SREBF2: variants seen among roughly 807,000 people sequenced by gnomAD.
SREBF2 encodes sterol regulatory element binding transcription factor 2.
Under a neutral mutation model 113.1 loss-of-function variants are expected in SREBF2, and 55 were observed. That is an observed-to-expected ratio of 0.49 (90% CI 0.39 to 0.61). The LOEUF is 0.61. Among genes scored for constraint, SREBF2 ranks in the 20% least tolerant of loss-of-function variants. SREBF2 has a pLI of 0.00. For synonymous variants in SREBF2, 593 were observed against 605.7 expected (o/e 0.98, Z 0.31); for missense variants, 1,349 against 1,487.4 (o/e 0.91, Z 1.53).
At position 41,870,980 on chromosome 22, in the gene SREBF2, A is replaced by C; in HGVS notation, c.812A>C (p.Asn271Thr). The C allele has an allele frequency of 6.2e-7, 1 of 1,614,082 alleles. No individual in the cohort carries two copies. The highest frequency in any genetic ancestry group is 1.1e-5 in the South Asian group (1 of 91,074). Residue 271 changes from asparagine (N) to threonine (T), a missense_variant, in exon 4 of 19, where the codon AAC (asparagine) becomes ACC (threonine). This residue lies in a region of SREBF2 where 699 missense variants were observed against 843.3 expected (regional missense o/e 0.83). Transcript: ENST00000361204. ...DGSPVMAAVQ[N>T]PALTALTTPI... ...AGCCCTGTTATGGCTGCGGTCCAGA[A>C]CCCGGCCCTCACCGCCCTCACCACC... is the stretch of plus-strand genomic sequence containing the variant.
At chr22:41,900,266 C>T in intron 15 of SREBF2, 64 bp from the exon 16 acceptor site, 1 of 1,591,042 alleles carries the variant, frequency 6.3e-7, no homozygotes, top group South Asian at 1.1e-5. Context: ...TGGCTTGGGC[C>T]CCTCTGCCTG....
intron 9 of SREBF2, 86 bp from the exon 10 acceptor site, chr22:41,880,630 T>C (rs935948234): frequency 2.0e-5 from 31 of 1,551,402 alleles, no homozygotes; most frequent in Non-Finnish European, 1.8e-6. Flanking sequence ...CCTCTGATAA[T>C]TGGGGGCAGG....
intron 11 of SREBF2, among the ~76,000 whole-genome samples, chr22:41,892,376 A>G (rs2077371488): frequency 6.6e-6 from 1 of 152,208 alleles, no homozygotes; most frequent in African/African-American, 2.4e-5. Flanking sequence ...TGGGCCAGGC[A>G]CGGTGGCTCA....
At position 41,868,732 on chromosome 22, in the gene SREBF2, G is replaced by T. The variant is rs1172803687; in HGVS notation, c.660G>T (p.Leu220=). ...RVLTQTANGT[L]QTLAPATVQT... ...TGACACAAACGGCCAATGGCACGCT[G>T]CAGACCCTTGCCCCGGCTACGGTGC... The change falls in exon 3 of 19, where the codon CTG becomes CTT. Residue 220 remains leucine, a synonymous_variant. Coordinates refer to ENST00000361204, the MANE Select transcript of SREBF2 (RefSeq NM_004599.4). The T allele has an allele frequency of 5.6e-6, 9 of 1,614,166 alleles. No individual in the cohort carries two copies. The highest frequency in any genetic ancestry group is 5.1e-6 in the Non-Finnish European group (6 of 1,180,032).
At chr22:41,861,386 A>G (rs28666835) in intron 1 of SREBF2, among the ~76,000 whole-genome samples, 46 of 151,996 alleles carry the variant, frequency 3.0e-4, no homozygotes, top group Admixed American at 3.0e-3. Context: ...GTGGGATTAC[A>G]CCGGGAGGCT....
rs1222584629 is a variant in SREBF2, at chr22:41,873,984, G to A, written c.1054G>A (p.Glu352Lys). 3.7e-6 allele frequency: 6 copies of A among 1,613,930 alleles called. No homozygotes were observed. The highest frequency in any genetic ancestry group is 2.2e-5 in the South Asian group (2 of 91,074). The stretch of plus-strand genomic sequence containing the variant: ...CTCCTCCATCAATGACAAAATCATC[G>A]AATTGAAAGACCTGGTCATGGGGAC... ...YRSSINDKII[E>K]LKDLVMGTDA... The change falls in exon 5 of 19, where the codon GAA (glutamate) becomes AAA (lysine). Residue 352 changes from glutamate (E) to lysine (K), a missense_variant. Around this residue, in one of 2 missense-constraint regions of SREBF2, gnomAD observed 699 missense variants for 843.3 expected, o/e 0.83. Coordinates refer to ENST00000361204, the MANE Select transcript of SREBF2 (RefSeq NM_004599.4).
chr22:41,904,401 T>C, intron 17 of SREBF2: 1 of 361,912 alleles, frequency 2.8e-6, no homozygotes, highest in Non-Finnish European at 5.5e-6. Context: ...CGCTGCAGAC[T>C]TTACCCGCAC....
rs1158276453 is a variant in SREBF2 at position 41,877,368 on chromosome 22, C to A, written c.1526C>A (p.Ser509Tyr). The A allele has an allele frequency of 6.2e-7, 1 of 1,614,180 alleles. No individual in the cohort carries two copies. Among genetic ancestry groups the A allele is most frequent in the South Asian group, 1.1e-5 (1 of 91,080 alleles). Reference sequence around the variant, plus strand: ...CTGCAGTGGGGAGGGGCCCACGACTCTGACCAGCACCCACACTCAGGCTCT... The same window carrying A: ...CTGCAGTGGGGAGGGGCCCACGACTATGACCAGCACCCACACTCAGGCTCT... ...SLLQWGGAHD[S>Y]DQHPHSGSGR... Residue 509 changes from serine to tyrosine, a missense_variant, in exon 8 of 19, where the codon TCT becomes TAT. Around this residue, in one of 2 missense-constraint regions of SREBF2, gnomAD observed 699 missense variants for 843.3 expected, o/e 0.83. Coordinates refer to ENST00000361204, the MANE Select transcript of SREBF2 (RefSeq NM_004599.4).
chr22:41,892,541 G>A (rs5996079), intron 11 of SREBF2, among the ~76,000 whole-genome samples: 15,974 of 151,336 alleles, frequency 0.11, 1,028 homozygotes, highest in African/African-American at 0.18. Context: ...CCAGCTACAC[G>A]GGAGGCTGAG....
At position 41,905,981 on chromosome 22, in the gene SREBF2, C is replaced by T. The variant is rs559207582; in HGVS notation, c.*321C>T. On this transcript the variant is annotated 3_prime_UTR_variant, in exon 19 of 19. Coordinates refer to ENST00000361204, the MANE Select transcript of SREBF2 (RefSeq NM_004599.4). ...CCTTCCTGAGTTTCTCTCTCCTGAA[C>T]CCTACTCTCTCCTTTTTGCTTCCTC... 20 of 577,874 alleles carry T rather than the reference C, an allele frequency of 3.5e-5. No individual in the cohort carries two copies. The African/African-American group carries it at 3.5e-4, about 10-fold the overall frequency. The allele number at this position is 577,874 out of a possible 1,614,324, so 35.8% of individuals were successfully genotyped here.
intron 1 of SREBF2, among the ~76,000 whole-genome samples, chr22:41,835,553 G>A (rs559523702): frequency 4.6e-5 from 7 of 152,032 alleles, no homozygotes; most frequent in African/African-American, 1.4e-4. Context: ...CAGGTGATCC[G>A]CCCACCTTGG....
chr22:41,884,093 C>A (rs2077275913), intron 10 of SREBF2, among the ~76,000 whole-genome samples: 1 of 152,150 alleles, frequency 6.6e-6, no homozygotes, highest in South Asian at 2.1e-4. Context: ...TACGTCACTT[C>A]CCCCTCAAAC....
intron 1 of SREBF2, among the ~76,000 whole-genome samples, chr22:41,866,025 G>T (rs544912357): frequency 4.6e-5 from 7 of 152,288 alleles, no homozygotes; most frequent in African/African-American, 1.7e-4. Flanking sequence ...TGGAGAGGAG[G>T]CCTAGAGCCT....
At position 41,866,880 on chromosome 22, in the gene SREBF2, T is replaced by G; in HGVS notation, c.138T>G (p.Phe46Leu). 1 of 1,614,226 alleles carries G rather than the reference T, an allele frequency of 6.2e-7. No homozygotes were observed. The highest frequency in any genetic ancestry group is 8.5e-7 in the Non-Finnish European group (1 of 1,180,030). ...SNQVGEFPDLFSEQLCSSFPG... is the reference protein window; with the variant it reads ...SNQVGEFPDLLSEQLCSSFPG... ...AAGTGGGAGAGTTCCCTGACTTGTT[T>G]TCAGAACAGCTGTGTAGCTCCTTTC... Residue 46 changes from phenylalanine to leucine, a missense_variant, in exon 2 of 19, where the codon TTT (phenylalanine) becomes TTG (leucine). Phe to Leu is a conservative substitution (Grantham distance 22). Transcript: ENST00000361204.
rs1452514594 is a variant in SREBF2 at position 41,868,633 on chromosome 22, C to G, written c.561C>G (p.Ser187Arg). ...AAGTCCTTCAGCCTCAAGTCCAAAG[C>G]CTGGTGACATCCTCCCAGGTACAGC... ...SFQVLQPQVQ[S>R]LVTSSQVQPV... The change falls in exon 3 of 19, where the codon AGC becomes AGG. Residue 187 changes from serine to arginine, a missense_variant. Physicochemically the swap from Ser to Arg is moderately radical, Grantham distance 110. This residue lies in a region of SREBF2 where 699 missense variants were observed against 843.3 expected (regional missense o/e 0.83). Coordinates refer to ENST00000361204, the MANE Select transcript of SREBF2 (RefSeq NM_004599.4). 6.2e-7 allele frequency: 1 copy of G among 1,614,244 alleles called. No individual in the cohort carries two copies. Among genetic ancestry groups the G allele is most frequent in the Admixed American group, 1.7e-5 (1 of 60,038 alleles).
At position 41,877,081 on chromosome 22, in the gene SREBF2, G is replaced by C. The variant is rs369547719; in HGVS notation, c.1387-148G>C. The C allele has an allele frequency of 1.2e-5, 9 of 760,310 alleles. No individual in the cohort carries two copies. In the Admixed American group the frequency reaches 2.0e-4, roughly 17 times the overall value. 47.1% of individuals were successfully genotyped at this position (760,310 alleles called of 1,614,324 possible). A position where few individuals can be genotyped will look rare whatever the true frequency, so the allele number is the denominator to read the frequency against. On this transcript the variant is annotated intron_variant, in intron 7 of 18. Coordinates refer to ENST00000361204, the MANE Select transcript of SREBF2 (RefSeq NM_004599.4). Reference sequence around the variant, plus strand: ...TTGAGCAGCAGTTAGTGAATTATAGGCTTCTCAGTTCCCATCTGGCCTTAG... The same window carrying C: ...TTGAGCAGCAGTTAGTGAATTATAGCCTTCTCAGTTCCCATCTGGCCTTAG...
chr22:41,875,249 T>C (rs1312187129), intron 5 of SREBF2, 88 bp from the exon 6 acceptor site: 5 of 1,097,638 alleles, frequency 4.6e-6, no homozygotes, highest in African/African-American at 1.5e-5. Context: ...CACAGAGCCA[T>C]GCTGTCATCC....
intron 1 of SREBF2, among the ~76,000 whole-genome samples, chr22:41,865,492 A>T (rs1231024519): frequency 1.3e-5 from 2 of 152,176 alleles, no homozygotes. Flanking sequence ...GTGAGAGATG[A>T]TGGGGTAGTT....
At chr22:41,886,840 C>T (rs1053868963) in intron 11 of SREBF2, among the ~76,000 whole-genome samples, 4 of 152,198 alleles carry the variant, frequency 2.6e-5, no homozygotes, top group Admixed American at 2.6e-4. Flanking sequence ...TCAAGACCAG[C>T]CTGACCAATA....
Sources: gnomAD v4.1 joint callset for allele counts (sites outside exome capture counted in the v4.1 genomes callset) on GRCh38, gnomAD v4.1.1 for gene constraint, gnomAD v4.1.1 regional missense constraint, MANE v1.5 for transcripts, NCBI Gene and HGNC (gene_info 2026-07-23, HGNC 2026-07-21) for gene names.